Variants in TRIOBP observed in about 807,000 individuals in gnomAD.
TRIOBP encodes the protein TRIO and F-actin binding protein, also known as TRIO and F-actin-binding protein.
In TRIOBP, 169 loss-of-function variants were observed where a neutral mutation model predicts 238.8. The observed-to-expected ratio is 0.71, with a 90% CI of 0.62 to 0.80. The LOEUF is 0.80. TRIOBP is among the 30% of genes least tolerant of loss of function. The probability of loss-of-function intolerance (pLI) is 0.00; values close to 1 mark genes in which losing one functional copy is unlikely to be tolerated. For synonymous variants in TRIOBP, 1,150 were observed against 1,274.4 expected (o/e 0.90, Z 2.08); for missense variants, 2,838 against 3,122.6 (o/e 0.91, Z 2.17).
At chr22:37,746,356 C>T (rs1925262707) in intron 11 of TRIOBP, 1 of 1,217,060 alleles carries the variant, frequency 8.2e-7, no homozygotes, top group Non-Finnish European at 1.0e-6. Flanking sequence ...CCGCGGAGCC[C>T]GGCCCGAGAG....
chr22:37,738,132 A>G (rs1924762883), intron 9 of TRIOBP, among the ~76,000 whole-genome samples: 1 of 152,214 alleles, frequency 6.6e-6, no homozygotes, highest in East Asian at 1.9e-4. Flanking sequence ...GTGTGAATGG[A>G]TGATGGATCA....
chr22:37,741,072 A>G, intron 11 of TRIOBP, 40 bp downstream of exon 11: 1 of 1,551,318 alleles, frequency 6.4e-7, no homozygotes, highest in African/African-American at 1.4e-5. Context: ...GTGAGGGTGG[A>G]TAGAGACGGG....
intron 3 of TRIOBP, among the ~76,000 whole-genome samples, chr22:37,707,950 G>GAA (rs1271064581): frequency 2.9e-5 from 2 of 68,220 alleles, no homozygotes; most frequent in Admixed American, 3.4e-4. Context: ...TCAAAAAAAA[G>GAA]AAAAAAAAAA....
chr22:37,745,896 C>T (rs1925202558), intron 11 of TRIOBP, among the ~76,000 whole-genome samples: 1 of 152,146 alleles, frequency 6.6e-6, no homozygotes, highest in Non-Finnish European at 1.5e-5. Flanking sequence ...GTCGTGCCCA[C>T]GCCCGGCCGC....
Position 37,754,921 on chromosome 22 carries a change from G to C in TRIOBP, c.5424G>C (p.Lys1808Asn), listed in dbSNP as rs769310853. ...SLTTTSTSQW[K>N]KHWFVLTDSS... ...CCACCACCTCTACTTCGCAGTGGAA[G>C]AAACATTGGTTTGTGCTGACAGATT... Residue 1808 changes from lysine to asparagine, a missense_variant, in exon 13 of 24, where the codon AAG becomes AAC. By Grantham distance (94) the Lys-to-Asn change is moderately conservative. Coordinates refer to ENST00000644935, the MANE Select transcript of TRIOBP (RefSeq NM_001039141.3). 1.9e-6 allele frequency: 3 copies of C among 1,614,038 alleles called. No homozygotes were observed.
chr22:37,697,612 C>G lies in TRIOBP; in HGVS notation c.-145C>G. 6.6e-6 allele frequency: 1 copy of G among 152,338 alleles called. No homozygotes were observed. The highest frequency in any genetic ancestry group is 6.5e-5 in the Admixed American group (1 of 15,274). The allele number at this position is 152,338 out of a possible 1,614,324, so 9.4% of individuals were successfully genotyped here. A position where few individuals can be genotyped will look rare whatever the true frequency, so the allele number is the denominator to read the frequency against. On this transcript the variant is annotated 5_prime_UTR_variant, in exon 2 of 24. Coordinates refer to ENST00000644935, the MANE Select transcript of TRIOBP (RefSeq NM_001039141.3). Reference sequence around the variant, plus strand: ...GGTCTGATGATGGAGGAGCCTTGGCCCTGGCTGTCCCAGGGGAGGAGGTGA... The same window carrying G: ...GGTCTGATGATGGAGGAGCCTTGGCGCTGGCTGTCCCAGGGGAGGAGGTGA...
At chr22:37,717,335 G>A (rs574569906) in intron 6 of TRIOBP, among the ~76,000 whole-genome samples, 20 of 152,326 alleles carry the variant, frequency 1.3e-4, no homozygotes, top group South Asian at 6.2e-4. Flanking sequence ...TGCAAAGAGC[G>A]AAAGAACAAA....
rs28622476 is a variant in TRIOBP at position 37,766,552 on chromosome 22, C to T, written c.6472+735C>T. ...CCCCCTCAGCAGAGTCTGGACTTCG[C>T]CCTGTAATCTGGCACTAAGGTTTCT... On this transcript the variant is annotated intron_variant, in intron 18 of 23. Coordinates refer to ENST00000644935, the MANE Select transcript of TRIOBP (RefSeq NM_001039141.3). Among the ~76,000 whole-genome samples the T allele has an allele frequency of 6.8e-3, 1,033 of 152,334 alleles. 12 individuals carry two copies. The highest frequency in any genetic ancestry group is 0.023 in the African/African-American group (965 of 41,576).
chr22:37,751,498 A>G, intron 11 of TRIOBP: 1 of 525,934 alleles, frequency 1.9e-6, no homozygotes, highest in Non-Finnish European at 3.5e-6. Context: ...GGCTGGAGAG[A>G]GGCCCCTGGG....
rs1415888444 is a variant in TRIOBP at position 37,726,079 on chromosome 22, T to A, written c.3523T>A (p.Ser1175Thr). Reference protein sequence around the residue: ...CIGHRDAPSFSSPPRQAPEPS... With the variant: ...CIGHRDAPSFTSPPRQAPEPS... ...TGGGCACCGGGATGCACCCTCCTTCTCATCCCCACCACGCCAGGCTCCTGA... is the reference window on the plus strand; with the variant it reads ...TGGGCACCGGGATGCACCCTCCTTCACATCCCCACCACGCCAGGCTCCTGA... Residue 1175 changes from serine (S) to threonine (T), a missense_variant, in exon 7 of 24, where the codon TCA becomes ACA. Physicochemically the swap from Ser to Thr is moderately conservative, Grantham distance 58. This residue lies in a region of TRIOBP where 2,096 missense variants were observed against 2,137.4 expected (regional missense o/e 0.98). Transcript: ENST00000644935. The A allele has an allele frequency of 3.2e-6, 5 of 1,555,926 alleles. No homozygotes were observed. The South Asian group carries it at 5.8e-5, about 18-fold the overall frequency.
intron 11 of TRIOBP, among the ~76,000 whole-genome samples, chr22:37,745,557 C>T (rs1019643504): frequency 1.3e-5 from 2 of 152,062 alleles, no homozygotes; most frequent in African/African-American, 4.8e-5. Context: ...AACCCCAAAC[C>T]AAAAAAGACC....
intron 17 of TRIOBP, among the ~76,000 whole-genome samples, chr22:37,761,009 G>C (rs1926217818): frequency 6.6e-6 from 1 of 151,808 alleles, no homozygotes; most frequent in African/African-American, 2.4e-5. Context: ...AGAAGGCTGA[G>C]ATCTAGGCCC....
Position 37,742,155 on chromosome 22 carries a change from C to T in TRIOBP, c.5322+1123C>T, listed in dbSNP as rs1296994880. 2.0e-5 allele frequency among the ~76,000 whole-genome samples: 3 copies of T among 151,792 alleles called. No homozygotes were observed. The East Asian group carries it at 5.8e-4, about 29-fold the overall frequency. ...TGTATTTTTAGTACAGACAGGGTTTCACCATGTTGGCCAGGCTGGTCTTGA... is the reference window on the plus strand; with the variant it reads ...TGTATTTTTAGTACAGACAGGGTTTTACCATGTTGGCCAGGCTGGTCTTGA... On this transcript the variant is annotated intron_variant, in intron 11 of 23. Coordinates refer to ENST00000644935, the MANE Select transcript of TRIOBP (RefSeq NM_001039141.3).
At chr22:37,755,736 C>T (rs1925885217) in intron 15 of TRIOBP, 77 bp downstream of exon 15, 9 of 1,243,274 alleles carry the variant, frequency 7.2e-6, no homozygotes, top group Non-Finnish European at 1.1e-5. Flanking sequence ...AGGTACTCAC[C>T]TGAGGGCTGC....
rs772811639 is a variant in TRIOBP at position 37,715,831 on chromosome 22, G to A, written c.525G>A (p.Pro175=). The A allele has an allele frequency of 2.4e-5, 39 of 1,613,960 alleles. No individual in the cohort carries two copies. The highest frequency in any genetic ancestry group is 3.1e-5 in the Non-Finnish European group (37 of 1,180,018). Reference sequence around the variant, plus strand: ...GGGACGAGCTCGCAGTGATGATCCCGAGGAGGCCTCGGGAGGGGCCGAGAG... The same window carrying A: ...GGGACGAGCTCGCAGTGATGATCCCAAGGAGGCCTCGGGAGGGGCCGAGAG... ...PSWDELAVMI[P]RRPREGPRAD... The change falls in exon 6 of 24, where the codon CCG becomes CCA. Residue 175 remains proline, a synonymous_variant. Transcript: ENST00000644935.
Position 37,724,960 on chromosome 22 carries a change from A to C in TRIOBP, c.2404A>C (p.Arg802=). Residue 802 remains arginine (R), a synonymous_variant, in exon 7 of 24, where the codon AGA becomes CGA. Coordinates refer to ENST00000644935, the MANE Select transcript of TRIOBP (RefSeq NM_001039141.3). ...RTSCAQRDNL[R]ASSPIRATQQ... ...ATCCTGTGCCCAGCGGGACAATCTC[A>C]GAGCCTCCTCTCCCATCAGAGCCAC... 3.7e-6 allele frequency: 6 copies of C among 1,614,074 alleles called. No individual in the cohort carries two copies. Among genetic ancestry groups the C allele is most frequent in the East Asian group, 4.5e-5 (2 of 44,890 alleles).
At position 37,710,452 on chromosome 22, in the gene TRIOBP, A is replaced by C. The variant is rs1316866574; in HGVS notation, c.140A>C (p.Glu47Ala). ...YQELRSPSGAEVPYCDLPRCP... is the reference protein window; with the variant it reads ...YQELRSPSGAAVPYCDLPRCP... ...GAGCTCAGGAGCCCTTCAGGTGCTG[A>C]GGTGCCCTACTGCGACCTGCCTCGA... Residue 47 changes from glutamate to alanine, a missense_variant, in exon 4 of 24, where the codon GAG becomes GCG. Around this residue, in one of 5 missense-constraint regions of TRIOBP, gnomAD observed 535 missense variants for 537.3 expected, o/e 1.00. Transcript: ENST00000644935. 6.2e-7 allele frequency: 1 copy of C among 1,613,378 alleles called. No homozygotes were observed. The highest frequency in any genetic ancestry group is 8.5e-7 in the Non-Finnish European group (1 of 1,179,996).
At chr22:37,715,987 A>T (rs1407629311) in intron 6 of TRIOBP, 53 bp downstream of exon 6, 75 of 1,603,206 alleles carry the variant, frequency 4.7e-5, no homozygotes, top group Non-Finnish European at 6.1e-5. Flanking sequence ...GGCCCCCCAG[A>T]TAGCCATCTC....
chr22:37,701,177 G>C lies in TRIOBP; in HGVS notation c.-60-129G>C, dbSNP rs116432556. ...ATGAACAGGAATGGATGGAGAACAG[G>C]AACCCAAAGGAATGGATGAGTAACC... On this transcript the variant is annotated intron_variant, in intron 2 of 23. Transcript: ENST00000644935. The C allele has an allele frequency of 2.2e-3, 1,283 of 581,916 alleles. 9 individuals carry two copies. The highest frequency in any genetic ancestry group is 0.021 in the African/African-American group (1,152 of 53,914). The allele number at this position is 581,916 out of a possible 1,614,324, so 36.0% of individuals were successfully genotyped here. A position where few individuals can be genotyped will look rare whatever the true frequency, so the allele number is the denominator to read the frequency against.
Sources: allele counts gnomAD v4.1 joint callset (sites outside exome capture counted in the v4.1 genomes callset), GRCh38; gene constraint gnomAD v4.1.1; regional missense constraint gnomAD v4.1.1; transcripts MANE v1.5; gene names NCBI Gene and HGNC (gene_info 2026-07-23, HGNC 2026-07-21).